Variants in ANO3 observed in about 807,000 individuals in gnomAD.
ANO3 encodes the protein anoctamin 3, also known as anoctamin-3.
Under a neutral mutation model 144.8 loss-of-function variants are expected in ANO3, and 99 were observed. That is an observed-to-expected ratio of 0.68 (90% CI 0.58 to 0.81). ANO3 has a LOEUF of 0.81. Among genes scored for constraint, ANO3 ranks in the 30% least tolerant of loss-of-function variants. The probability of loss-of-function intolerance (pLI) is 0.00; values close to 1 mark genes in which losing one functional copy is unlikely to be tolerated. For synonymous variants in ANO3, 414 were observed against 392.6 expected (o/e 1.05, Z -0.64); for missense variants, 905 against 1,202.2 (o/e 0.75, Z 3.66).
intron 1 of ANO3, among the ~76,000 whole-genome samples, chr11:26,417,226 C>T (rs1418758679): frequency 6.6e-6 from 1 of 152,052 alleles, no homozygotes; most frequent in African/African-American, 2.4e-5. Flanking sequence ...CATCTATAAC[C>T]TCTATAAGTG....
intron 1 of ANO3, among the ~76,000 whole-genome samples, chr11:26,357,134 A>G (rs1855804256): frequency 6.6e-6 from 1 of 152,180 alleles, no homozygotes; most frequent in Non-Finnish European, 1.5e-5. Context: ...TTTGATGGTC[A>G]TTTCCGTTGT....
At chr11:26,567,244 TAG>T (rs1471283135) in intron 14 of ANO3, 14 of 709,742 alleles carry the variant, frequency 2.0e-5, no homozygotes, top group Non-Finnish European at 2.9e-5. Flanking sequence ...TTTAAAAAAA[TAG>T]ACTTTTTTTT....
chr11:26,474,226 T>A (rs781004040), intron 4 of ANO3: 9 of 432,424 alleles, frequency 2.1e-5, no homozygotes, highest in Non-Finnish European at 2.8e-5. Flanking sequence ...AATATTGATT[T>A]CAGAATTGGA....
intron 5 of ANO3, among the ~76,000 whole-genome samples, chr11:26,511,981 T>C (rs1410546796): frequency 6.6e-6 from 1 of 152,210 alleles, no homozygotes; most frequent in Non-Finnish European, 1.5e-5. Flanking sequence ...AGACTTTTGA[T>C]CATTAACTTA....
intron 14 of ANO3, among the ~76,000 whole-genome samples, chr11:26,562,103 T>C (rs919634880): frequency 6.6e-6 from 1 of 151,928 alleles, no homozygotes; most frequent in African/African-American, 2.4e-5. Context: ...TATCAATTTT[T>C]GATAGATTGA....
At chr11:26,217,317 T>C (rs933978363) in intron 1 of ANO3, among the ~76,000 whole-genome samples, 2 of 151,964 alleles carry the variant, frequency 1.3e-5, no homozygotes, top group Non-Finnish European at 2.9e-5. Flanking sequence ...GGACATTTTT[T>C]AAAATCATCC....
intron 14 of ANO3, among the ~76,000 whole-genome samples, chr11:26,564,760 TA>T: frequency 1.1e-5 from 1 of 87,760 alleles, no homozygotes; most frequent in Non-Finnish European, 2.3e-5. Context: ...TATATATATA[TA>T]TATATATATA....
At chr11:26,636,147 C>T (rs1044864760) in intron 20 of ANO3, among the ~76,000 whole-genome samples, 2 of 152,146 alleles carry the variant, frequency 1.3e-5, no homozygotes, top group Admixed American at 6.6e-5. Context: ...ATGCAGTGAG[C>T]CATGATCGTA....
At chr11:26,249,988 A>G (rs1852889728) in intron 1 of ANO3, among the ~76,000 whole-genome samples, 1 of 152,140 alleles carries the variant, frequency 6.6e-6, no homozygotes, top group South Asian at 2.1e-4. Flanking sequence ...CGAAAAACCA[A>G]CGTCTGTTGT....
chr11:26,420,471 A>T (rs944927357), intron 1 of ANO3, among the ~76,000 whole-genome samples: 2 of 152,034 alleles, frequency 1.3e-5, no homozygotes, highest in Non-Finnish European at 2.9e-5. Flanking sequence ...CAGTGTTCTC[A>T]TGAACTGTAG....
intron 1 of ANO3, among the ~76,000 whole-genome samples, chr11:26,387,666 A>G (rs7931439): frequency 0.27 from 40,374 of 151,824 alleles, 6,025 homozygotes; most frequent in African/African-American, 0.41. Context: ...TTTTCCCCTC[A>G]ATTCTCATTA....
In ANO3 at chr11:26,364,619, G is replaced by A. The variant is rs1293338699; in HGVS notation, c.46+32298G>A. On this transcript the variant is annotated intron_variant, in intron 1 of 26. Transcript: ENST00000256737. ...TAGTCTCATTACATGGTGAAAGCAA[G>A]ACCAAGAGAGAGAGTGGGGGTGGAG... Among the ~76,000 whole-genome samples, 5 of 152,280 alleles carry A rather than the reference G, an allele frequency of 3.3e-5. No individual in the cohort carries two copies. In the East Asian group the frequency reaches 7.7e-4, roughly 24 times the overall value.
chr11:26,538,359 A>G (rs964307772), intron 10 of ANO3, among the ~76,000 whole-genome samples: 23 of 152,208 alleles, frequency 1.5e-4, no homozygotes, highest in African/African-American at 5.5e-4. Context: ...ATACATACTT[A>G]TAGTAAGAAT....
chr11:26,519,290 T>G (rs1361212226), intron 6 of ANO3, among the ~76,000 whole-genome samples: 1 of 152,204 alleles, frequency 6.6e-6, no homozygotes, highest in Non-Finnish European at 1.5e-5. Context: ...TCCACCTGCC[T>G]CCTCTAGACT....
chr11:26,592,451 A>T (rs374473520), intron 14 of ANO3, among the ~76,000 whole-genome samples: 6 of 151,764 alleles, frequency 4.0e-5, no homozygotes, highest in African/African-American at 1.5e-4. Context: ...TCTGGGAATT[A>T]TTTCATGAAT....
intron 1 of ANO3, among the ~76,000 whole-genome samples, chr11:26,334,778 G>A (rs936634535): frequency 1.3e-5 from 2 of 152,032 alleles, no homozygotes; most frequent in Non-Finnish European, 2.9e-5. Context: ...TCCAGTTGAT[G>A]GAATTTACTT....
intron 1 of ANO3, among the ~76,000 whole-genome samples, chr11:26,286,358 A>C (rs1286672706): frequency 6.6e-6 from 1 of 152,200 alleles, no homozygotes; most frequent in Non-Finnish European, 1.5e-5. Context: ...CAGGGGTCTG[A>C]ATTCTGGCTG....
At chr11:26,347,785 G>T (rs535067717) in intron 1 of ANO3, among the ~76,000 whole-genome samples, 1 of 152,308 alleles carries the variant, frequency 6.6e-6, no homozygotes, top group East Asian at 1.9e-4. Flanking sequence ...ATCTTATGAT[G>T]TAGTTACAAA....
At chr11:26,381,523 C>T (rs1454955349) in intron 1 of ANO3, among the ~76,000 whole-genome samples, 1 of 152,120 alleles carries the variant, frequency 6.6e-6, no homozygotes, top group Non-Finnish European at 1.5e-5. Context: ...CAAAATTATT[C>T]ATGTAGTTAT....
Sources: gnomAD v4.1 joint callset for allele counts (sites outside exome capture counted in the v4.1 genomes callset) on GRCh38, gnomAD v4.1.1 for gene constraint, MANE v1.5 for transcripts, NCBI Gene and HGNC (gene_info 2026-07-23, HGNC 2026-07-21) for gene names.